Variants in ABHD2 observed in about 807,000 individuals in gnomAD.
ABHD2 encodes the protein abhydrolase domain containing 2, acylglycerol lipase.
In ABHD2, 20 loss-of-function variants were observed where a neutral mutation model predicts 48.1. That is an observed-to-expected ratio of 0.42 (90% CI 0.29 to 0.60). ABHD2 has a LOEUF of 0.60. ABHD2 is among the 20% of genes least tolerant of loss of function. ABHD2 has a pLI of 0.24. For missense variants in ABHD2, 405 were observed against 550.9 expected, an observed-to-expected ratio of 0.74 and a Z score of 2.65; for synonymous variants, 209 against 214.2, an observed-to-expected ratio of 0.98 and a Z score of 0.21.
the ABHD2 span, among the ~76,000 whole-genome samples, chr15:89,081,871 T>C: frequency 2.6e-5 from 4 of 152,212 alleles, no homozygotes; most frequent in Admixed American, 2.6e-4. Flanking sequence ...TAAATAAAAA[T>C]AATAAAATGT....
In ABHD2 at chr15:89,177,103, A is replaced by C. The variant is rs1255872009; in HGVS notation, c.722+1108A>C. ...GGTGATCTAAATGTACCCACGATAG[A>C]CATGAGAAACATCTCTGATGAAACC... is the stretch of plus-strand genomic sequence containing the variant. On this transcript the variant is annotated intron_variant, in intron 6 of 10. Transcript: ENST00000352732. This position sits in a 1 kb window ranked among gnomAD's most constrained non-coding sequence, Gnocchi z 5.6. Among the ~76,000 whole-genome samples, 1 of 152,218 alleles carries C rather than the reference A, an allele frequency of 6.6e-6. No homozygotes were observed. The highest frequency in any genetic ancestry group is 2.4e-5 in the African/African-American group (1 of 41,460).
chr15:89,055,710 C>T, the ABHD2 span, among the ~76,000 whole-genome samples: 5 of 151,876 alleles, frequency 3.3e-5, no homozygotes, highest in Admixed American at 1.3e-4. Flanking sequence ...AATATGGGGG[C>T]GGTTGAATAA....
the ABHD2 span, among the ~76,000 whole-genome samples, chr15:89,055,845 C>G: frequency 6.6e-6 from 1 of 151,984 alleles, no homozygotes; most frequent in African/African-American, 2.4e-5. Flanking sequence ...AGTTTACAAA[C>G]TAATTGTGTA....
Position 89,186,808 on chromosome 15 carries a change from GC to G in ABHD2, c.815+1293del, listed in dbSNP as rs1330592747. 2.0e-5 allele frequency among the ~76,000 whole-genome samples: 3 copies of G among 152,144 alleles called. No individual in the cohort carries two copies. Among genetic ancestry groups the G allele is most frequent in the Non-Finnish European group, 4.4e-5 (3 of 68,026 alleles). On this transcript the variant is annotated intron_variant, in intron 7 of 10. Coordinates refer to ENST00000352732, the MANE Select transcript of ABHD2 (RefSeq NM_152924.5). This position sits in a 1 kb window ranked among gnomAD's most constrained non-coding sequence, Gnocchi z 4.3. Reference sequence around the variant, plus strand: ...ATTTCTTGTTCTCTTTTTTCCAGTGGCTAAAGCAGACCACACACCCCAGATT... The same window carrying G: ...ATTTCTTGTTCTCTTTTTTCCAGTGGTAAAGCAGACCACACACCCCAGATT...
intron 2 of ABHD2, among the ~76,000 whole-genome samples, chr15:89,115,136 C>T (rs1302599684): frequency 1.3e-5 from 2 of 152,186 alleles, no homozygotes; most frequent in African/African-American, 4.8e-5. Flanking sequence ...CCAGAGCTCT[C>T]ATGATGACTG....
rs1202110718 is a variant in ABHD2, at chr15:89,186,015, C to T, written c.815+499C>T. Among the ~76,000 whole-genome samples the T allele has an allele frequency of 2.0e-5, 3 of 152,150 alleles. No homozygotes were observed. Among genetic ancestry groups the T allele is most frequent in the African/African-American group, 7.2e-5 (3 of 41,422 alleles). On this transcript the variant is annotated intron_variant, in intron 7 of 10. Transcript: ENST00000352732. This position sits in a 1 kb window ranked among gnomAD's most constrained non-coding sequence, Gnocchi z 4.3. ...CCAAGCTACTGAATTTGCCAAATTGCCTTATGCTTTTATAATTCCCAGTAA... is the reference window on the plus strand; with the variant it reads ...CCAAGCTACTGAATTTGCCAAATTGTCTTATGCTTTTATAATTCCCAGTAA...
Position 89,104,994 on chromosome 15 carries a change from AT to A in ABHD2, c.-106-8729del, listed in dbSNP as rs1311911147. Among the ~76,000 whole-genome samples the A allele has an allele frequency of 6.6e-6, 1 of 152,248 alleles. No homozygotes were observed. The highest frequency in any genetic ancestry group is 1.5e-5 in the Non-Finnish European group (1 of 68,034). On this transcript the variant is annotated intron_variant, in intron 1 of 10. Transcript: ENST00000352732. The surrounding 1 kb of genome is among the most constrained non-coding windows in gnomAD (Gnocchi z 4.4). Reference sequence around the variant, plus strand: ...AAATATGTTTAGGATAAATCTCACAATTCATATGCCTGTTCTCTTAGAAAAT... The same window carrying A: ...AAATATGTTTAGGATAAATCTCACAATCATATGCCTGTTCTCTTAGAAAAT...
rs2051173501 is a variant in ABHD2, at chr15:89,184,556, G to T, written c.723-868G>T. Among the ~76,000 whole-genome samples the T allele has an allele frequency of 6.6e-6, 1 of 152,210 alleles. No homozygotes were observed. The highest frequency in any genetic ancestry group is 1.5e-5 in the Non-Finnish European group (1 of 68,038). On this transcript the variant is annotated intron_variant, in intron 6 of 10. Coordinates refer to ENST00000352732, the MANE Select transcript of ABHD2 (RefSeq NM_152924.5). The surrounding 1 kb of genome is among the most constrained non-coding windows in gnomAD (Gnocchi z 5.1). ...GAGAGCAGTGAGTGGGGAGGGCTGG[G>T]CAGGCATGGCTGGTGGGAGTGAGCC... is the stretch of plus-strand genomic sequence containing the variant.
In ABHD2 at chr15:89,100,861, C is replaced by T. The variant is rs969496342; in HGVS notation, c.-107+12298C>T. Among the ~76,000 whole-genome samples, 1 of 151,672 alleles carries T rather than the reference C, an allele frequency of 6.6e-6. No homozygotes were observed. The highest frequency in any genetic ancestry group is 2.1e-4 in the South Asian group (1 of 4,816). ...CCACCCTGGGCCACAGTGAGAGACT[C>T]CATCTCAAAAAAAAAGGAACCTTAT... On this transcript the variant is annotated intron_variant, in intron 1 of 10. Coordinates refer to ENST00000352732, the MANE Select transcript of ABHD2 (RefSeq NM_152924.5). This position sits in a 1 kb window ranked among gnomAD's most constrained non-coding sequence, Gnocchi z 4.4.
In ABHD2 at chr15:89,188,352, C is replaced by A; in HGVS notation, c.926+49C>A. ...GGACGCTCTGGGGCAGGGTGCCAGG[C>A]AGGAGGCTGCAGGTCAGCTGTGCCC... On this transcript the variant is annotated intron_variant, in intron 8 of 10. Coordinates refer to ENST00000352732, the MANE Select transcript of ABHD2 (RefSeq NM_152924.5). The surrounding 1 kb of genome is among the most constrained non-coding windows in gnomAD (Gnocchi z 4.1). 1 of 1,519,570 alleles carries A rather than the reference C, an allele frequency of 6.6e-7. No homozygotes were observed. Among genetic ancestry groups the A allele is most frequent in the Non-Finnish European group, 9.1e-7 (1 of 1,097,074 alleles). The allele number at this position is 1,519,570 out of a possible 1,614,324, so 94.1% of individuals were successfully genotyped here.
chr15:89,157,851 A>T (rs920076891), intron 5 of ABHD2, among the ~76,000 whole-genome samples: 5 of 151,828 alleles, frequency 3.3e-5, no homozygotes, highest in African/African-American at 9.7e-5. Flanking sequence ...TCAAAAAATT[A>T]AAAAAAATAA....
At chr15:89,045,581 A>G in the ABHD2 span, among the ~76,000 whole-genome samples, 5 of 152,120 alleles carry the variant, frequency 3.3e-5, no homozygotes, top group African/African-American at 1.2e-4. Flanking sequence ...TTCCTTGAGC[A>G]GTGGTTTGTA....
chr15:89,154,468 G>T (rs2050639670), intron 4 of ABHD2, among the ~76,000 whole-genome samples: 1 of 152,062 alleles, frequency 6.6e-6, no homozygotes, highest in African/African-American at 2.4e-5. Flanking sequence ...AGTTCACAAG[G>T]TACTAACAGT....
the ABHD2 span, among the ~76,000 whole-genome samples, chr15:89,078,793 C>T: frequency 7.3e-5 from 11 of 150,730 alleles, no homozygotes; most frequent in Admixed American, 1.3e-4. Context: ...TGCAGTGGCA[C>T]GATCTTGGCT....
At chr15:89,062,383 G>GT in the ABHD2 span, among the ~76,000 whole-genome samples, 1 of 151,856 alleles carries the variant, frequency 6.6e-6, no homozygotes, top group Non-Finnish European at 1.5e-5. Flanking sequence ...TTTTTGTTTT[G>GT]TTTTTTGTTT....
chr15:89,046,664 G>C, the ABHD2 span, among the ~76,000 whole-genome samples: 1 of 152,182 alleles, frequency 6.6e-6, no homozygotes, highest in Non-Finnish European at 1.5e-5. Context: ...ATTTCTTCTA[G>C]ATTTTCTAGT....
At position 89,168,425 on chromosome 15, in the gene ABHD2, G is replaced by A. The variant is rs1437369608; in HGVS notation, c.539-7387G>A. On this transcript the variant is annotated intron_variant, in intron 5 of 10. Coordinates refer to ENST00000352732, the MANE Select transcript of ABHD2 (RefSeq NM_152924.5). The surrounding 1 kb of genome is among the most constrained non-coding windows in gnomAD (Gnocchi z 4.8). ...AATAACAGGCCAGGGAGAGGCCCCA[G>A]GCACTAAAGGTGTTTGGTAACTGAC... 6.6e-6 allele frequency among the ~76,000 whole-genome samples: 1 copy of A among 152,196 alleles called. No homozygotes were observed. Among genetic ancestry groups the A allele is most frequent in the Non-Finnish European group, 1.5e-5 (1 of 68,026 alleles).
At position 89,195,324 on chromosome 15, in the gene ABHD2, G is replaced by A. The variant is rs758931365; in HGVS notation, c.1179G>A (p.Met393Ile). ...TGTTCCCCGAGCCCCTGACATGGAT[G>A]GATAAGCTGGTGGTGGAGTACGCCA... ...SVLFPEPLTW[M>I]DKLVVEYANA... is the part of the protein sequence containing the mutation. Residue 393 changes from methionine (M) to isoleucine (I), a missense_variant, in exon 11 of 11, where the codon ATG becomes ATA. Transcript: ENST00000352732. This position sits in a 1 kb window ranked among gnomAD's most constrained non-coding sequence, Gnocchi z 5.1. 5.0e-6 allele frequency: 8 copies of A among 1,614,136 alleles called. No homozygotes were observed. The South Asian group carries it at 5.5e-5, about 11-fold the overall frequency.
Position 89,155,516 on chromosome 15 carries a change from C to G in ABHD2, c.520C>G (p.Pro174Ala). The G allele has an allele frequency of 6.2e-7, 1 of 1,613,490 alleles. No individual in the cohort carries two copies. The highest frequency in any genetic ancestry group is 8.5e-7 in the Non-Finnish European group (1 of 1,179,526). The change falls in exon 5 of 11, where the codon CCA (proline) becomes GCA (alanine). Residue 174 changes from proline to alanine, a missense_variant. Physicochemically the swap from Pro to Ala is conservative, Grantham distance 27 (BLOSUM62 -1). Transcript: ENST00000352732. The surrounding 1 kb of genome is among the most constrained non-coding windows in gnomAD (Gnocchi z 4.9). The stretch of plus-strand genomic sequence containing the variant: ...CCTGCCCAACATTGAATTGACCTCG[C>G]CACGCATGTTCACCTATGGTAAGCA... ...GALPNIELTS[P>A]RMFTYGCTWE...
Sources: allele counts gnomAD v4.1 joint callset (sites outside exome capture counted in the v4.1 genomes callset), GRCh38; gene constraint gnomAD v4.1.1; non-coding constraint Gnocchi (gnomAD v3.1); transcripts MANE v1.5; gene names NCBI Gene and HGNC (gene_info 2026-07-23, HGNC 2026-07-21).